The following SPATA16 variants were observed in gnomAD, a reference collection of about 807,000 sequenced individuals.
SPATA16 encodes spermatogenesis associated 16, also known as spermatogenesis-associated protein 16.
A neutral mutation model predicts 63.3 loss-of-function variants in SPATA16; 36 were observed. The observed-to-expected ratio is 0.57, with a 90% confidence interval of 0.44 to 0.75. SPATA16 has a LOEUF of 0.75. Among genes scored for constraint, SPATA16 ranks in the 30% least tolerant of loss-of-function variants. The pLI is 0.00. For missense variants in SPATA16, 646 were observed against 679.3 expected (o/e 0.95, Z 0.54); for synonymous variants, 203 against 216.7 (o/e 0.94, Z 0.56).
Position 173,124,886 on chromosome 3 carries a change from A to C in SPATA16, c.-18-7137T>G, listed in dbSNP as rs553592540. Among the ~76,000 whole-genome samples, 4 of 152,038 alleles carry C rather than the reference A, an allele frequency of 2.6e-5. No homozygotes were observed. In the East Asian group the frequency reaches 7.7e-4, roughly 29 times the overall value. ...TTTTCTCCAGCTACATTCTCTCCTC[A>C]GGTGATTTTGTCCAGTTCTATGGCT... On this transcript the variant is annotated intron_variant, in intron 1 of 10. Transcript: ENST00000351008.
intron 1 of SPATA16, among the ~76,000 whole-genome samples, chr3:173,137,822 A>AACACACAC (rs1185263699): frequency 0.064 from 7,841 of 122,210 alleles, 429 homozygotes; most frequent in Non-Finnish European, 0.081. Flanking sequence ...ATGGACTCTC[A>AACACACAC]ACACACACAC....
intron 5 of SPATA16, among the ~76,000 whole-genome samples, chr3:172,965,339 C>A (rs76275739): frequency 0.02 from 3,039 of 152,180 alleles, 107 homozygotes; most frequent in African/African-American, 0.07. Flanking sequence ...AGATAGGATT[C>A]CAAATATATG....
chr3:173,078,385 G>A (rs1445213985), intron 2 of SPATA16, among the ~76,000 whole-genome samples: 1 of 152,124 alleles, frequency 6.6e-6, no homozygotes, highest in Non-Finnish European at 1.5e-5. Context: ...CAATGGCAAT[G>A]TTAAGAGGAC....
chr3:172,979,573 A>G (rs1170022166), intron 4 of SPATA16, among the ~76,000 whole-genome samples: 3 of 152,212 alleles, frequency 2.0e-5, no homozygotes, highest in African/African-American at 4.8e-5. Flanking sequence ...TGATTTTTTA[A>G]TGCTTTTGGT....
chr3:173,051,492 T>C lies in SPATA16; in HGVS notation c.613-2398A>G, dbSNP rs143977275. Among the ~76,000 whole-genome samples, 182 of 152,232 alleles carry C rather than the reference T, an allele frequency of 1.2e-3. 2 individuals carry two copies. Among genetic ancestry groups the C allele is most frequent in the East Asian group, 7.0e-3 (36 of 5,160 alleles). On this transcript the variant is annotated intron_variant, in intron 2 of 10. Coordinates refer to ENST00000351008, the MANE Select transcript of SPATA16 (RefSeq NM_031955.6). ...CTGGGATTACAGGCGTGAGCCACCGTGCCCAGCCAATTTTTGTATTTTCAG... is the reference window on the plus strand; with the variant it reads ...CTGGGATTACAGGCGTGAGCCACCGCGCCCAGCCAATTTTTGTATTTTCAG...
At chr3:173,086,026 G>A (rs1374972420) in intron 2 of SPATA16, among the ~76,000 whole-genome samples, 1 of 151,810 alleles carries the variant, frequency 6.6e-6, no homozygotes, top group African/African-American at 2.4e-5. Context: ...CCAGGTTTTG[G>A]TATCAGGGTG....
intron 4 of SPATA16, among the ~76,000 whole-genome samples, chr3:172,997,443 CCTT>C (rs1444526457): frequency 6.6e-6 from 1 of 151,870 alleles, no homozygotes; most frequent in Non-Finnish European, 1.5e-5. Context: ...AGGTCTTTGG[CCTT>C]CTTAAAATTA....
chr3:173,028,009 C>CCTTCCTTCTTTCCTT (rs1735496707), intron 3 of SPATA16, among the ~76,000 whole-genome samples: 1 of 43,330 alleles, frequency 2.3e-5, no homozygotes, highest in African/African-American at 2.1e-4. Context: ...CTCCCTCCCT[C>CCTTCCTTCTTTCCTT]CCTCCCTTCC....
At chr3:172,909,171 T>C (rs2109556487) in intron 10 of SPATA16, among the ~76,000 whole-genome samples, 1 of 152,292 alleles carries the variant, frequency 6.6e-6, no homozygotes, top group East Asian at 1.9e-4. Context: ...GACTTTACTA[T>C]CCTCCTGCTT....
In SPATA16 at chr3:172,899,886, C is replaced by T. The variant is rs117895323; in HGVS notation, c.1588-10194G>A. Among the ~76,000 whole-genome samples, 3 of 152,168 alleles carry T rather than the reference C, an allele frequency of 2.0e-5. No homozygotes were observed. The East Asian group carries it at 5.8e-4, about 29-fold the overall frequency. ...AGAATCATTGCTTTGTCTCTTCACC[C>T]TCTCCCATTTTTAATTACCTTAAAT... On this transcript the variant is annotated intron_variant, in intron 10 of 10. Transcript: ENST00000351008.
At chr3:172,914,365 A>G (rs1732434594) in intron 9 of SPATA16, among the ~76,000 whole-genome samples, 1 of 152,182 alleles carries the variant, frequency 6.6e-6, no homozygotes, top group African/African-American at 2.4e-5. Flanking sequence ...CATGGTGTGT[A>G]TTTGACCACG....
intron 10 of SPATA16, among the ~76,000 whole-genome samples, chr3:172,911,953 C>A (rs185317954): frequency 1.3e-4 from 20 of 152,314 alleles, no homozygotes; most frequent in African/African-American, 3.8e-4. Flanking sequence ...CCCACCACAG[C>A]CCTAAAGATG....
chr3:172,966,753 G>A (rs562995723), intron 5 of SPATA16, among the ~76,000 whole-genome samples: 1 of 152,258 alleles, frequency 6.6e-6, no homozygotes, highest in East Asian at 1.9e-4. Flanking sequence ...CCAAAATGAT[G>A]GCTGAGTATA....
At chr3:173,004,493 T>A (rs1022361058) in intron 4 of SPATA16, among the ~76,000 whole-genome samples, 3 of 150,836 alleles carry the variant, frequency 2.0e-5, no homozygotes, top group Admixed American at 6.6e-5. Context: ...CCCTCTCAAC[T>A]CCTTAAATCA....
chr3:172,947,316 C>T (rs978495), intron 6 of SPATA16, among the ~76,000 whole-genome samples: 60,150 of 151,980 alleles, frequency 0.4, 12,186 homozygotes, highest in Admixed American at 0.45. Context: ...TCTTTATGCC[C>T]AGACATTGAT....
chr3:172,973,800 A>G (rs1734096302), intron 5 of SPATA16, among the ~76,000 whole-genome samples: 1 of 152,140 alleles, frequency 6.6e-6, no homozygotes. Flanking sequence ...CTGACTTGGT[A>G]CTTTCTATTT....
At chr3:173,052,623 G>A (rs1156495385) in intron 2 of SPATA16, among the ~76,000 whole-genome samples, 1 of 152,162 alleles carries the variant, frequency 6.6e-6, no homozygotes, top group South Asian at 2.1e-4. Context: ...CAAAATGTTG[G>A]CATCAGAACC....
At chr3:173,036,232 A>G (rs560415193) in intron 3 of SPATA16, among the ~76,000 whole-genome samples, 4 of 152,166 alleles carry the variant, frequency 2.6e-5, no homozygotes, top group Admixed American at 2.6e-4. Context: ...AAAAAATGAA[A>G]TGTGTGCCTG....
chr3:173,039,793 T>C (rs917974074), intron 3 of SPATA16, among the ~76,000 whole-genome samples: 3 of 152,098 alleles, frequency 2.0e-5, no homozygotes, highest in African/African-American at 7.2e-5. Flanking sequence ...CAAAGTGTCA[T>C]AGAGGCAATA....
Sources: gnomAD v4.1 joint callset for allele counts (sites outside exome capture counted in the v4.1 genomes callset) on GRCh38, gnomAD v4.1.1 for gene constraint, MANE v1.5 for transcripts, NCBI Gene and HGNC (gene_info 2026-07-23, HGNC 2026-07-21) for gene names.